Variants in PCDH15 observed in about 807,000 individuals in gnomAD.
PCDH15 encodes the protein protocadherin related 15.
In PCDH15, 129 loss-of-function variants were observed where a neutral mutation model predicts 178.5. That is an observed-to-expected ratio of 0.72 (90% CI 0.63 to 0.84). The LOEUF (loss-of-function observed/expected upper bound fraction) is 0.84. PCDH15 is among the 40% of genes least tolerant of loss of function. The probability of loss-of-function intolerance (pLI) is 0.00; values close to 1 mark genes in which losing one functional copy is unlikely to be tolerated. For missense variants in PCDH15, 2,230 were observed against 2,099.9 expected (o/e 1.06, Z -1.21); for synonymous variants, 800 against 732.0 (o/e 1.09, Z -1.50).
At chr10:54,111,634 C>T (rs1044372234) in intron 15 of PCDH15, among the ~76,000 whole-genome samples, 10 of 152,166 alleles carry the variant, frequency 6.6e-5, no homozygotes, top group Non-Finnish European at 1.5e-4. Context: ...TAACAGAGAA[C>T]ATGCAGTATC....
At chr10:55,120,633 A>G (rs11004740) in intron 2 of PCDH15, among the ~76,000 whole-genome samples, 97,596 of 151,958 alleles carry the variant, frequency 0.64, 34,630 homozygotes, top group East Asian at 0.84. Context: ...GTTTTTAGGG[A>G]AACAGGGAAA....
chr10:54,073,305 T>C (rs543154134), intron 17 of PCDH15, among the ~76,000 whole-genome samples: 1 of 151,724 alleles, frequency 6.6e-6, no homozygotes, highest in Non-Finnish European at 1.5e-5. Context: ...ATGTTACATA[T>C]ATTGTAAAGA....
At chr10:55,340,956 C>A (rs1177951115) in intron 2 of PCDH15, among the ~76,000 whole-genome samples, 1 of 151,882 alleles carries the variant, frequency 6.6e-6, no homozygotes, top group Non-Finnish European at 1.5e-5. Flanking sequence ...CCCCAGGATT[C>A]CAAAATTTAC....
At chr10:55,551,191 T>G (rs1430621007) in intron 2 of PCDH15, among the ~76,000 whole-genome samples, 2 of 152,070 alleles carry the variant, frequency 1.3e-5, no homozygotes, top group Admixed American at 1.3e-4. Flanking sequence ...TTTCTCTCTT[T>G]GTCTTGTAAG....
chr10:54,543,345 C>T (rs1192519368), intron 2 of PCDH15, among the ~76,000 whole-genome samples: 1 of 152,134 alleles, frequency 6.6e-6, no homozygotes, highest in Admixed American at 6.5e-5. Flanking sequence ...AGATGGCAAA[C>T]TAAAACACAT....
chr10:54,773,046 A>C (rs1052684924), intron 1 of PCDH15, among the ~76,000 whole-genome samples: 1 of 151,882 alleles, frequency 6.6e-6, no homozygotes, highest in Non-Finnish European at 1.5e-5. Flanking sequence ...TGGGAGCTGA[A>C]TTATGAGAAC....
At chr10:55,408,290 A>C (rs546787084) in intron 2 of PCDH15, among the ~76,000 whole-genome samples, 1 of 151,236 alleles carries the variant, frequency 6.6e-6, no homozygotes, top group South Asian at 2.1e-4. Context: ...GGTTCAAGCG[A>C]TTCTTCTGCC....
At chr10:54,155,461 T>C (rs895111392) in intron 13 of PCDH15, among the ~76,000 whole-genome samples, 1 of 152,170 alleles carries the variant, frequency 6.6e-6, no homozygotes, top group African/African-American at 2.4e-5. Flanking sequence ...GATTCTATGT[T>C]TAAGTTACCT....
intron 3 of PCDH15, among the ~76,000 whole-genome samples, chr10:54,885,576 C>A (rs987056360): frequency 4.6e-5 from 7 of 151,832 alleles, no homozygotes; most frequent in Non-Finnish European, 1.0e-4. Flanking sequence ...TACTTCATAG[C>A]GGTATAGAAC....
At chr10:55,210,982 T>G (rs1840556513) in intron 1 of PCDH15, among the ~76,000 whole-genome samples, 1 of 151,948 alleles carries the variant, frequency 6.6e-6, no homozygotes, top group Admixed American at 6.6e-5. Context: ...TGTAACCCCC[T>G]TGAAACGTTT....
intron 2 of PCDH15, among the ~76,000 whole-genome samples, chr10:54,553,430 A>C (rs971579621): frequency 7.2e-5 from 11 of 152,218 alleles, no homozygotes; most frequent in African/African-American, 2.7e-4. Context: ...AATAGAATCT[A>C]TTTTAGGACT....
chr10:54,050,256 C>A (rs966587707), intron 18 of PCDH15, among the ~76,000 whole-genome samples: 5 of 152,068 alleles, frequency 3.3e-5, no homozygotes, highest in Non-Finnish European at 5.9e-5. Context: ...TTTTTCTGTT[C>A]AAGCTTTTGA....
At chr10:55,476,854 C>T (rs1404368798) in intron 2 of PCDH15, among the ~76,000 whole-genome samples, 1 of 151,904 alleles carries the variant, frequency 6.6e-6, no homozygotes, top group African/African-American at 2.4e-5. Flanking sequence ...TGTAGATTGT[C>T]CCTGATTATC....
intron 18 of PCDH15, among the ~76,000 whole-genome samples, chr10:54,062,253 C>CAAA (rs769054605): frequency 9.2e-5 from 7 of 75,844 alleles, no homozygotes; most frequent in African/African-American, 2.6e-4. Flanking sequence ...AAAAAAAAAA[C>CAAA]AAAAAACAAC....
chr10:55,088,576 G>C (rs934586611), intron 2 of PCDH15, among the ~76,000 whole-genome samples: 1 of 151,856 alleles, frequency 6.6e-6, no homozygotes, highest in African/African-American at 2.4e-5. Flanking sequence ...TCCCAGACTA[G>C]GAAGCATGAA....
chr10:53,903,081 T>C (rs537514881), intron 26 of PCDH15, among the ~76,000 whole-genome samples, 162 bp downstream of exon 26: 1 of 152,284 alleles, frequency 6.6e-6, no homozygotes, highest in Admixed American at 6.5e-5. Context: ...TTACCTGATA[T>C]AATCTGTATT....
chr10:54,615,670 C>T (rs1043146535), intron 2 of PCDH15, among the ~76,000 whole-genome samples: 6 of 150,524 alleles, frequency 4.0e-5, no homozygotes, highest in East Asian at 2.0e-4. Flanking sequence ...GAAAAACACA[C>T]ATAAACTAGG....
At chr10:55,507,808 C>A (rs915854868) in intron 2 of PCDH15, among the ~76,000 whole-genome samples, 1 of 151,496 alleles carries the variant, frequency 6.6e-6, no homozygotes, top group Non-Finnish European at 1.5e-5. Flanking sequence ...TGTGTGGAAT[C>A]CTTCAGATTT....
chr10:54,196,589 G>C (rs549112173), intron 10 of PCDH15, among the ~76,000 whole-genome samples: 1 of 152,108 alleles, frequency 6.6e-6, no homozygotes, highest in Non-Finnish European at 1.5e-5. Flanking sequence ...AAGAACTATC[G>C]TATCGACTTT....
Sources: gnomAD v4.1 joint callset for allele counts (sites outside exome capture counted in the v4.1 genomes callset) on GRCh38, gnomAD v4.1.1 for gene constraint, MANE v1.5 for transcripts, NCBI Gene and HGNC (gene_info 2026-07-23, HGNC 2026-07-21) for gene names.